The following MTUS2 variants were observed in gnomAD, a reference collection of about 807,000 sequenced individuals.
MTUS2 encodes microtubule-associated tumor suppressor candidate 2.
Under a neutral mutation model 114.1 loss-of-function variants are expected in MTUS2, and 40 were observed. The ratio of observed to expected loss-of-function variants is 0.35; its 90% CI spans 0.27 to 0.46. The LOEUF (loss-of-function observed/expected upper bound fraction) is 0.46. MTUS2 is among the 20% of genes least tolerant of loss of function. MTUS2 has a pLI of 1.00. For synonymous variants in MTUS2, 688 were observed against 672.0 expected (o/e 1.02, Z -0.37); for missense variants, 1,679 against 1,705.4 (o/e 0.98, Z 0.27).
At chr13:29,130,814 C>T (rs1391479124) in intron 5 of MTUS2, among the ~76,000 whole-genome samples, 1 of 151,948 alleles carries the variant, frequency 6.6e-6, no homozygotes, top group Admixed American at 6.6e-5. Flanking sequence ...TTAGTAGAGA[C>T]GGGGTTTCAG....
intron 2 of MTUS2, among the ~76,000 whole-genome samples, chr13:29,004,388 A>G (rs144378237): frequency 0.031 from 3,354 of 108,100 alleles, 50 homozygotes; most frequent in East Asian, 0.1. Context: ...AGTATTATAT[A>G]TTCAAAATAA....
chr13:29,478,581 T>C (rs977241510), intron 9 of MTUS2, among the ~76,000 whole-genome samples: 1 of 152,166 alleles, frequency 6.6e-6, no homozygotes, highest in Admixed American at 6.5e-5. Flanking sequence ...TTTCCATCAA[T>C]ATTGTTTAGA....
chr13:29,345,355 A>T (rs571399792), intron 7 of MTUS2, among the ~76,000 whole-genome samples: 1 of 151,994 alleles, frequency 6.6e-6, no homozygotes, highest in Admixed American at 6.6e-5. Flanking sequence ...TTCATTTTTT[A>T]AAATTCTTTT....
intron 2 of MTUS2, among the ~76,000 whole-genome samples, chr13:29,004,533 G>A (rs1002552936): frequency 3.3e-5 from 5 of 152,120 alleles, no homozygotes; most frequent in Non-Finnish European, 7.4e-5. Flanking sequence ...CAACAAAGCA[G>A]GCAAAAATGA....
intron 4 of MTUS2, among the ~76,000 whole-genome samples, chr13:29,035,002 C>T (rs888108280): frequency 6.6e-6 from 1 of 152,172 alleles, no homozygotes; most frequent in African/African-American, 2.4e-5. Context: ...TGTTTTGCAA[C>T]AGTCAAGGTT....
At chr13:29,194,253 T>G (rs1894574434) in intron 5 of MTUS2, among the ~76,000 whole-genome samples, 1 of 152,230 alleles carries the variant, frequency 6.6e-6, no homozygotes, top group South Asian at 2.1e-4. Context: ...TGGGATCTAA[T>G]TAAACTAAAA....
Position 29,505,165 on chromosome 13 carries a change from A to G in MTUS2, c.*1959A>G, listed in dbSNP as rs1282404012. 4.3e-6 allele frequency: 1 copy of G among 232,086 alleles called. No individual in the cohort carries two copies. The highest frequency in any genetic ancestry group is 2.2e-5 in the African/African-American group (1 of 45,278). The allele number at this position is 232,086 out of a possible 1,614,324, so 14.4% of individuals were successfully genotyped here. ...TCTTGCCACATTGACTAAATACACA[A>G]GTATTTATTCTAGTAGCAGGCACAA... On this transcript the variant is annotated 3_prime_UTR_variant, in exon 16 of 16. Coordinates refer to ENST00000612955, the MANE Select transcript of MTUS2 (RefSeq NM_001033602.4).
chr13:28,994,424 G>T (rs2138351066), intron 2 of MTUS2, among the ~76,000 whole-genome samples: 1 of 152,246 alleles, frequency 6.6e-6, no homozygotes, highest in Middle Eastern at 3.4e-3. Flanking sequence ...CCCAGTAATG[G>T]GATGGCTGGG....
At chr13:29,134,746 C>T (rs557227941) in intron 5 of MTUS2, among the ~76,000 whole-genome samples, 40 of 152,196 alleles carry the variant, frequency 2.6e-4, no homozygotes, top group African/African-American at 6.7e-4. Flanking sequence ...TACAGGCATC[C>T]GCCACACACC....
intron 5 of MTUS2, among the ~76,000 whole-genome samples, chr13:29,274,301 G>A (rs1427754238): frequency 2.6e-5 from 4 of 151,938 alleles, no homozygotes; most frequent in Non-Finnish European, 5.9e-5. Flanking sequence ...TAGTAGAGAC[G>A]GGGTTTCACC....
intron 5 of MTUS2, among the ~76,000 whole-genome samples, chr13:29,213,119 A>G (rs1895520102): frequency 6.6e-6 from 1 of 152,260 alleles, no homozygotes; most frequent in African/African-American, 2.4e-5. Context: ...TTCTTCTAGC[A>G]TCCATATCAC....
intron 6 of MTUS2, among the ~76,000 whole-genome samples, chr13:29,296,791 T>C (rs1422330297): frequency 1.3e-5 from 2 of 152,172 alleles, no homozygotes; most frequent in Non-Finnish European, 2.9e-5. Context: ...ATTAATTGAA[T>C]TATTTTGATG....
Position 29,404,916 on chromosome 13 carries a change from G to A in MTUS2, c.3118-35067G>A, listed in dbSNP as rs550706574. On this transcript the variant is annotated intron_variant, in intron 8 of 15. Coordinates refer to ENST00000612955, the MANE Select transcript of MTUS2 (RefSeq NM_001033602.4). ...GCTGTGCCTGAAAGTCATTATCCTGGGATCCTCACATCACTGTAAAAGAGA... is the reference window on the plus strand; with the variant it reads ...GCTGTGCCTGAAAGTCATTATCCTGAGATCCTCACATCACTGTAAAAGAGA... Among the ~76,000 whole-genome samples, 4 of 152,256 alleles carry A rather than the reference G, an allele frequency of 2.6e-5. No homozygotes were observed. The South Asian group carries it at 6.2e-4, about 24-fold the overall frequency.
intron 5 of MTUS2, among the ~76,000 whole-genome samples, chr13:29,157,910 G>A (rs775580841): frequency 7.2e-5 from 11 of 152,174 alleles, no homozygotes; most frequent in African/African-American, 1.4e-4. Context: ...TCAGTCAAGA[G>A]TAATGCAAAA....
At chr13:28,993,597 G>A (rs970365691) in intron 2 of MTUS2, among the ~76,000 whole-genome samples, 1 of 152,142 alleles carries the variant, frequency 6.6e-6, no homozygotes, top group African/African-American at 2.4e-5. Flanking sequence ...TCTAGAGAAA[G>A]GTAGGGGTCC....
chr13:29,201,078 C>G (rs1386550649), intron 5 of MTUS2, among the ~76,000 whole-genome samples: 1 of 152,084 alleles, frequency 6.6e-6, no homozygotes, highest in Non-Finnish European at 1.5e-5. Flanking sequence ...AATTTTCTTT[C>G]TCATTGATCT....
chr13:28,895,531 A>G (rs1879213772), intron 2 of MTUS2, among the ~76,000 whole-genome samples: 1 of 152,196 alleles, frequency 6.6e-6, no homozygotes, highest in Non-Finnish European at 1.5e-5. Context: ...GTATTATTAG[A>G]TAGTGTGTAT....
intron 6 of MTUS2, among the ~76,000 whole-genome samples, chr13:29,299,314 C>G (rs963749313): frequency 3.3e-5 from 5 of 152,284 alleles, no homozygotes; most frequent in Admixed American, 2.6e-4. Context: ...AGTCAACTCT[C>G]AGACATCCCG....
chr13:29,089,818 A>G (rs2138770572), intron 4 of MTUS2, among the ~76,000 whole-genome samples: 1 of 152,232 alleles, frequency 6.6e-6, no homozygotes, highest in East Asian at 1.9e-4. Flanking sequence ...CTTAAAATGG[A>G]TATGTCATCT....
Sources: allele counts gnomAD v4.1 joint callset (sites outside exome capture counted in the v4.1 genomes callset), GRCh38; gene constraint gnomAD v4.1.1; transcripts MANE v1.5; gene names NCBI Gene and HGNC (gene_info 2026-07-23, HGNC 2026-07-21).